The following CNGA3 variants were observed in gnomAD, a reference collection of about 807,000 sequenced individuals.
CNGA3 encodes cyclic nucleotide-gated channel alpha-3.
In CNGA3, 42 loss-of-function variants were observed where a neutral mutation model predicts 46.6. The ratio of observed to expected loss-of-function variants is 0.90; its 90% CI spans 0.70 to 1.17. The LOEUF is 1.17. Among genes scored for constraint, CNGA3 ranks in the 50% most tolerant of loss-of-function variants. The probability of loss-of-function intolerance (pLI) is 0.00; values close to 1 mark genes in which losing one functional copy is unlikely to be tolerated. For synonymous variants in CNGA3, 394 were observed against 369.4 expected (o/e 1.07, Z -0.76); for missense variants, 893 against 890.7 (o/e 1.00, Z -0.03).
chr2:98,383,486 C>T, intron 5 of CNGA3, 45 bp downstream of exon 5: 1 of 1,600,450 alleles, frequency 6.2e-7, no homozygotes, highest in Non-Finnish European at 8.6e-7. Flanking sequence ...AGCCCGGTGC[C>T]CTCCACCCCA....
At chr2:98,392,041 G>C in intron 7 of CNGA3, 71 bp downstream of exon 7, 2 of 1,338,704 alleles carry the variant, frequency 1.5e-6, no homozygotes. Flanking sequence ...CCAGCATGGT[G>C]GATGGGACAT....
At chr2:98,384,076 A>AG (rs538499110) in intron 5 of CNGA3, among the ~76,000 whole-genome samples, 20 of 151,834 alleles carry the variant, frequency 1.3e-4, no homozygotes, top group South Asian at 4.2e-4. Flanking sequence ...TTTAGTAGAG[A>AG]GGGGGGGTTT....
At chr2:98,358,052 G>T (rs1438322611) in intron 1 of CNGA3, among the ~76,000 whole-genome samples, 1 of 152,234 alleles carries the variant, frequency 6.6e-6, no homozygotes, top group East Asian at 1.9e-4. Context: ...GCACCCAGGG[G>T]GCCCTGGCTA....
Position 98,361,904 on chromosome 2 carries a change from T to G in CNGA3, c.-37-8035T>G, listed in dbSNP as rs1030916685. Among the ~76,000 whole-genome samples the G allele has an allele frequency of 9.2e-5, 14 of 152,068 alleles. 1 individual carries two copies. The South Asian group carries it at 2.5e-3, about 27-fold the overall frequency. On this transcript the variant is annotated intron_variant, in intron 1 of 7. Coordinates refer to ENST00000272602, the MANE Select transcript of CNGA3 (RefSeq NM_001298.3). ...TTGTATTTTTAGTAGAGACAGGGTT[T>G]CACCGTGTTAGCCAGGATGGTCTCG...
intron 1 of CNGA3, among the ~76,000 whole-genome samples, chr2:98,348,934 G>A (rs1444953128): frequency 6.6e-6 from 1 of 152,188 alleles, no homozygotes; most frequent in Admixed American, 6.5e-5. Flanking sequence ...CTCCTGGTCA[G>A]GGTAGGCCTC....
At chr2:98,366,638 GT>G (rs1204298913) in intron 1 of CNGA3, among the ~76,000 whole-genome samples, 3 of 152,212 alleles carry the variant, frequency 2.0e-5, no homozygotes, top group African/African-American at 7.2e-5. Context: ...ATGGGTCTGG[GT>G]TTAGCCTAAA....
At chr2:98,364,017 T>A (rs1558805944) in intron 1 of CNGA3, among the ~76,000 whole-genome samples, 1 of 152,202 alleles carries the variant, frequency 6.6e-6, no homozygotes, top group Non-Finnish European at 1.5e-5. Context: ...TAGCTCTTTA[T>A]GTTGAATTGA....
intron 2 of CNGA3, 60 bp downstream of exon 2, chr2:98,370,136 G>T: frequency 7.5e-7 from 1 of 1,339,342 alleles, no homozygotes; most frequent in South Asian, 1.2e-5. Context: ...TTCCACAGCT[G>T]ATCTAGACTG....
intron 2 of CNGA3, among the ~76,000 whole-genome samples, chr2:98,376,171 T>G (rs1264223214): frequency 2.6e-5 from 4 of 152,058 alleles, no homozygotes; most frequent in African/African-American, 7.2e-5. Flanking sequence ...CAGCAGCCTG[T>G]GTTACAGGAC....
At chr2:98,355,905 T>A (rs1368730644) in intron 1 of CNGA3, 1 of 152,200 alleles carries the variant, frequency 6.6e-6, no homozygotes, top group Non-Finnish European at 1.5e-5. Context: ...TCAAATGTGA[T>A]TTGAGTCAAA....
intron 1 of CNGA3, among the ~76,000 whole-genome samples, chr2:98,361,302 T>C (rs1273095668): frequency 6.6e-6 from 1 of 152,166 alleles, no homozygotes; most frequent in African/African-American, 2.4e-5. Flanking sequence ...GCTTCCGAGT[T>C]AGTTTGCTGA....
At chr2:98,373,712 T>C (rs1692340243) in intron 2 of CNGA3, among the ~76,000 whole-genome samples, 1 of 152,228 alleles carries the variant, frequency 6.6e-6, no homozygotes, top group Non-Finnish European at 1.5e-5. Flanking sequence ...TTAAGAACTG[T>C]CTGGCATATC....
At chr2:98,353,916 G>C (rs1205488688) in intron 1 of CNGA3, among the ~76,000 whole-genome samples, 2 of 152,164 alleles carry the variant, frequency 1.3e-5, no homozygotes, top group African/African-American at 4.8e-5. Flanking sequence ...GAACTCATGA[G>C]AACTCACTCA....
intron 3 of CNGA3, among the ~76,000 whole-genome samples, chr2:98,378,537 A>G (rs545998643): frequency 1.3e-5 from 2 of 152,262 alleles, no homozygotes; most frequent in Non-Finnish European, 2.9e-5. Context: ...ACTTAAGATT[A>G]TCACAAAAGA....
chr2:98,371,999 G>T (rs956219728), intron 2 of CNGA3, among the ~76,000 whole-genome samples: 1 of 152,234 alleles, frequency 6.6e-6, no homozygotes, highest in Admixed American at 6.5e-5. Flanking sequence ...CTTGCCTGGA[G>T]TGGGGCATGA....
intron 5 of CNGA3, among the ~76,000 whole-genome samples, chr2:98,386,715 G>A (rs1221310502): frequency 6.6e-6 from 1 of 152,196 alleles, no homozygotes; most frequent in Non-Finnish European, 1.5e-5. Context: ...GTCAGAGAAA[G>A]TAAATGGAAG....
In CNGA3 at chr2:98,396,463, G is replaced by C; in HGVS notation, c.1293G>C (p.Lys431Asn). ...KQYMQFRKVTKDLETRVIRWF... is the reference protein window; with the variant it reads ...KQYMQFRKVTNDLETRVIRWF... ...ACATGCAGTTCCGCAAGGTCACCAA[G>C]GACTTGGAGACGCGGGTTATCCGGT... Residue 431 changes from lysine to asparagine, a missense_variant, in exon 8 of 8, where the codon AAG (lysine) becomes AAC (asparagine). Transcript: ENST00000272602. 6.2e-7 allele frequency: 1 copy of C among 1,614,046 alleles called. No individual in the cohort carries two copies. Among genetic ancestry groups the C allele is most frequent in the Non-Finnish European group, 8.5e-7 (1 of 1,180,048 alleles).
At position 98,347,535 on chromosome 2, in the gene CNGA3, G is replaced by C. The variant is rs550663817; in HGVS notation, c.-38+1001G>C. ...GACTTTAACTTCGGCCCTCTGCAGC[G>C]GGGGTCTCCGGTTGGCGCGGCGCGT... On this transcript the variant is annotated intron_variant, in intron 1 of 7. Coordinates refer to ENST00000272602, the MANE Select transcript of CNGA3 (RefSeq NM_001298.3). Among the ~76,000 whole-genome samples, 4 of 152,276 alleles carry C rather than the reference G, an allele frequency of 2.6e-5. No individual in the cohort carries two copies. The South Asian group carries it at 8.3e-4, about 32-fold the overall frequency.
At chr2:98,363,724 TA>T (rs1692084283) in intron 1 of CNGA3, among the ~76,000 whole-genome samples, 1 of 152,250 alleles carries the variant, frequency 6.6e-6, no homozygotes, top group African/African-American at 2.4e-5. Context: ...CAATACCTAG[TA>T]CATTCCTATG....
Sources: gnomAD v4.1 joint callset for allele counts (sites outside exome capture counted in the v4.1 genomes callset) on GRCh38, gnomAD v4.1.1 for gene constraint, MANE v1.5 for transcripts, NCBI Gene and HGNC (gene_info 2026-07-23, HGNC 2026-07-21) for gene names.